The following NLGN1 variants were observed in gnomAD, a reference collection of about 807,000 sequenced individuals.
The protein encoded by NLGN1 is neuroligin 1.
A neutral mutation model predicts 65.5 loss-of-function variants in NLGN1; 12 were observed. The ratio of observed to expected loss-of-function variants is 0.18; its 90% CI spans 0.12 to 0.30. The LOEUF (loss-of-function observed/expected upper bound fraction) is 0.30, where lower values mean the gene tolerates loss of function less well. Among genes scored for constraint, NLGN1 ranks in the 10% least tolerant of loss-of-function variants. The pLI, the probability that NLGN1 is intolerant of heterozygous loss-of-function variation, is 1.00. For synonymous variants in NLGN1, 350 were observed against 359.5 expected (o/e 0.97, Z 0.30); for missense variants, 750 against 1,007.1 (o/e 0.74, Z 3.46).
intron 3 of NLGN1, among the ~76,000 whole-genome samples, chr3:173,633,266 A>G (rs1384374825): frequency 5.3e-5 from 8 of 152,098 alleles, no homozygotes; most frequent in Admixed American, 6.6e-5. Flanking sequence ...GTGGTGTTCA[A>G]TTGCTCTTCA....
chr3:174,285,612 T>G (rs1180423284), exon 7 of NLGN1: 2 of 151,522 alleles, frequency 1.3e-5, no homozygotes, highest in Non-Finnish European at 3.0e-5. Flanking sequence ...CTATGAAACA[T>G]TTGGTGGCCA....
At chr3:174,187,317 T>C (rs1439417831) in intron 4 of NLGN1, among the ~76,000 whole-genome samples, 1 of 151,966 alleles carries the variant, frequency 6.6e-6, no homozygotes, top group Non-Finnish European at 1.5e-5. Flanking sequence ...CTCTGTGCTT[T>C]ACTTTCCTCT....
intron 4 of NLGN1, among the ~76,000 whole-genome samples, chr3:174,188,191 G>A (rs947708165): frequency 6.6e-6 from 1 of 151,898 alleles, no homozygotes; most frequent in African/African-American, 2.4e-5. Flanking sequence ...TACCACATTT[G>A]TGTAACACTT....
chr3:173,493,186 A>T (rs1182356862), intron 2 of NLGN1, among the ~76,000 whole-genome samples: 2 of 151,820 alleles, frequency 1.3e-5, no homozygotes, highest in Non-Finnish European at 2.9e-5. Flanking sequence ...AAGTTCAGCA[A>T]CATTAAATAT....
intron 4 of NLGN1, among the ~76,000 whole-genome samples, chr3:174,003,767 T>A (rs1304239388): frequency 6.6e-6 from 1 of 152,148 alleles, no homozygotes; most frequent in Non-Finnish European, 1.5e-5. Flanking sequence ...ATTAGATGCC[T>A]TCCCCTGGGT....
chr3:173,448,705 G>T (rs1347292579), intron 2 of NLGN1, among the ~76,000 whole-genome samples: 1 of 152,076 alleles, frequency 6.6e-6, no homozygotes, highest in Admixed American at 6.6e-5. Flanking sequence ...GCTTTTTTTG[G>T]TTGGTAAGCT....
intron 4 of NLGN1, among the ~76,000 whole-genome samples, chr3:174,101,610 T>C (rs2152574712): frequency 1.3e-5 from 2 of 152,352 alleles, no homozygotes; most frequent in Middle Eastern, 3.4e-3. Context: ...AGCACTGTGT[T>C]CTAATGATAT....
intron 3 of NLGN1, among the ~76,000 whole-genome samples, chr3:173,657,536 TG>T (rs2149675921): frequency 6.6e-6 from 1 of 151,994 alleles, no homozygotes; most frequent in South Asian, 2.1e-4. Flanking sequence ...CACTGGGCAG[TG>T]GGGGGAAAGC....
intron 4 of NLGN1, among the ~76,000 whole-genome samples, chr3:174,266,751 G>C (rs1274963310): frequency 1.3e-5 from 2 of 152,022 alleles, no homozygotes; most frequent in Non-Finnish European, 2.9e-5. Flanking sequence ...GAGATGCTTT[G>C]CCAACTCTTT....
intron 4 of NLGN1, among the ~76,000 whole-genome samples, chr3:173,919,265 T>A (rs1741446565): frequency 6.6e-6 from 1 of 152,148 alleles, no homozygotes. Context: ...ACAGAGAATA[T>A]GAAGGAAAAA....
At chr3:173,577,764 A>C (rs1379798149) in intron 2 of NLGN1, among the ~76,000 whole-genome samples, 1 of 152,208 alleles carries the variant, frequency 6.6e-6, no homozygotes, top group Admixed American at 6.5e-5. Context: ...TCTTAGAAAA[A>C]TATATCATCT....
At chr3:174,122,475 A>C (rs999109547) in intron 4 of NLGN1, among the ~76,000 whole-genome samples, 1 of 152,172 alleles carries the variant, frequency 6.6e-6, no homozygotes, top group Non-Finnish European at 1.5e-5. Context: ...CTGAAAATCC[A>C]CCAGGATCCC....
chr3:173,795,985 G>A (rs1713974874), intron 3 of NLGN1, among the ~76,000 whole-genome samples: 2 of 152,112 alleles, frequency 1.3e-5, no homozygotes, highest in Non-Finnish European at 2.9e-5. Flanking sequence ...GACCACTGGA[G>A]CCAGAAGCTC....
At chr3:174,093,713 T>G (rs1028450582) in intron 4 of NLGN1, among the ~76,000 whole-genome samples, 1 of 152,234 alleles carries the variant, frequency 6.6e-6, no homozygotes, top group African/African-American at 2.4e-5. Flanking sequence ...ACCACACATA[T>G]AATTATTTTC....
chr3:173,702,111 C>T (rs1380560771), intron 3 of NLGN1, among the ~76,000 whole-genome samples: 4 of 148,564 alleles, frequency 2.7e-5, no homozygotes, highest in Non-Finnish European at 4.5e-5. Context: ...TAGTGGCGGG[C>T]GCCTGTAGTC....
At chr3:173,418,964 TATG>T (rs1714372397) in intron 1 of NLGN1, among the ~76,000 whole-genome samples, 2 of 143,876 alleles carry the variant, frequency 1.4e-5, no homozygotes, top group South Asian at 4.6e-4. Context: ...TTCCTTAAAA[TATG>T]ATGATTTTTT....
At chr3:174,152,653 T>C (rs894899125) in intron 4 of NLGN1, among the ~76,000 whole-genome samples, 2 of 151,702 alleles carry the variant, frequency 1.3e-5, no homozygotes, top group African/African-American at 4.8e-5. Context: ...AATAAAAATA[T>C]ATATATAAAA....
chr3:173,549,433 T>C (rs1343049471), intron 2 of NLGN1, among the ~76,000 whole-genome samples: 2 of 152,042 alleles, frequency 1.3e-5, no homozygotes, highest in East Asian at 3.8e-4. Flanking sequence ...AGAAAACATT[T>C]CACATTTTGA....
intron 4 of NLGN1, among the ~76,000 whole-genome samples, chr3:173,825,826 T>A (rs778414190): frequency 6.6e-5 from 10 of 152,080 alleles, no homozygotes; most frequent in Non-Finnish European, 1.0e-4. Flanking sequence ...TCTCTCTAGA[T>A]CACTAAGATA....
Sources: gnomAD v4.1 joint callset for allele counts (sites outside exome capture counted in the v4.1 genomes callset) on GRCh38, gnomAD v4.1.1 for gene constraint, MANE v1.5 for transcripts, NCBI Gene and HGNC (gene_info 2026-07-23, HGNC 2026-07-21) for gene names.